Variants in TOGARAM1 observed in about 807,000 individuals in gnomAD.
TOGARAM1 encodes TOG array regulator of axonemal microtubules 1.
Under a neutral mutation model 166.6 loss-of-function variants are expected in TOGARAM1, and 100 were observed. The observed-to-expected ratio is 0.60, with a 90% CI of 0.51 to 0.71. The LOEUF is 0.71. TOGARAM1 is among the 30% of genes least tolerant of loss of function. The pLI is 0.00. For missense variants in TOGARAM1, 2,029 were observed against 2,102.7 expected, an observed-to-expected ratio of 0.96 and a Z score of 0.69; for synonymous variants, 758 against 763.8, an observed-to-expected ratio of 0.99 and a Z score of 0.13.
intron 7 of TOGARAM1, among the ~76,000 whole-genome samples, chr14:45,022,148 G>C (rs951258613): frequency 1.3e-5 from 2 of 151,884 alleles, no homozygotes; most frequent in African/African-American, 4.8e-5. Context: ...ATAGTCCCTG[G>C]GTTACTGTTG....
chr14:44,986,983 C>T (rs1413488945), intron 1 of TOGARAM1, among the ~76,000 whole-genome samples: 12 of 137,238 alleles, frequency 8.7e-5, no homozygotes, highest in African/African-American at 2.8e-4. Flanking sequence ...CCAGCCTGGG[C>T]GACAGAGCGA....
chr14:45,036,487 C>T (rs914860883), intron 11 of TOGARAM1, among the ~76,000 whole-genome samples: 1 of 152,116 alleles, frequency 6.6e-6, no homozygotes, highest in African/African-American at 2.4e-5. Context: ...ACCATGCTAA[C>T]ACTAATCAAA....
intron 1 of TOGARAM1, among the ~76,000 whole-genome samples, chr14:44,981,808 A>G (rs956020988): frequency 2.7e-5 from 4 of 150,026 alleles, no homozygotes; most frequent in African/African-American, 4.9e-5. Context: ...AGATTCTTCT[A>G]TCCATCAGTG....
Position 44,990,851 on chromosome 14 carries a change from G to A in TOGARAM1, c.2047-4895G>A, listed in dbSNP as rs542816193. On this transcript the variant is annotated intron_variant, in intron 1 of 19. Coordinates refer to ENST00000361462, the MANE Select transcript of TOGARAM1 (RefSeq NM_001308120.2). ...TTTGTTTTTGAGATGGGGTCTTACT[G>A]TGTTGCCCAGGTCGGTCTTGGACTT... Among the ~76,000 whole-genome samples the A allele has an allele frequency of 2.7e-5, 4 of 150,826 alleles. No individual in the cohort carries two copies. The South Asian group carries it at 8.4e-4, about 32-fold the overall frequency.
chr14:44,971,929 T>G (rs188973890), intron 1 of TOGARAM1, among the ~76,000 whole-genome samples: 2 of 152,258 alleles, frequency 1.3e-5, no homozygotes, highest in Admixed American at 1.3e-4. Flanking sequence ...TCATAGTTCC[T>G]CATGGCTGGG....
rs772710415 is a variant in TOGARAM1, at chr14:44,963,904, A to G, written c.1483A>G (p.Ile495Val). The stretch of plus-strand genomic sequence containing the variant: ...GAGAGAGGAGGTGGTGAACATTTGC[A>G]TCTGCTCCCTGCTGACCTATCCTAG... The part of the protein sequence containing the change: ...RVREEVVNIC[I>V]CSLLTYPSED... Residue 495 changes from isoleucine to valine, a missense_variant, in exon 1 of 20, where the codon ATC becomes GTC. By Grantham distance (29) the Ile-to-Val change is conservative. Transcript: ENST00000361462. 2.5e-6 allele frequency: 4 copies of G among 1,613,876 alleles called. No individual in the cohort carries two copies. The highest frequency in any genetic ancestry group is 2.2e-5 in the East Asian group (1 of 44,894).
chr14:45,043,303 G>A (rs1185799948), intron 11 of TOGARAM1, among the ~76,000 whole-genome samples: 4 of 152,028 alleles, frequency 2.6e-5, no homozygotes, highest in East Asian at 3.9e-4. Context: ...TCAGCCTCCC[G>A]AGTAGCTGGG....
chr14:45,009,964 T>C (rs117779004), intron 6 of TOGARAM1, among the ~76,000 whole-genome samples: 3 of 152,344 alleles, frequency 2.0e-5, no homozygotes, highest in Non-Finnish European at 4.4e-5. Flanking sequence ...TGTGTAACTT[T>C]TACACTCCTA....
At chr14:45,069,172 C>T (rs1883269223) in intron 18 of TOGARAM1, among the ~76,000 whole-genome samples, 2 of 152,070 alleles carry the variant, frequency 1.3e-5, no homozygotes, top group South Asian at 4.2e-4. Flanking sequence ...AGTTCAAGAC[C>T]ATCCTGGCTA....
At chr14:45,011,127 A>G (rs1249025583) in intron 6 of TOGARAM1, among the ~76,000 whole-genome samples, 1 of 152,182 alleles carries the variant, frequency 6.6e-6, no homozygotes, top group East Asian at 1.9e-4. Context: ...TCTTAATGAA[A>G]AAAGGCCTAT....
intron 7 of TOGARAM1, among the ~76,000 whole-genome samples, chr14:45,023,699 T>A (rs907007541): frequency 1.3e-5 from 2 of 152,080 alleles, no homozygotes; most frequent in Admixed American, 6.5e-5. Flanking sequence ...TTAACATGAG[T>A]GATTCTCTGT....
chr14:44,964,398 A>G lies in TOGARAM1; in HGVS notation c.1977A>G (p.Leu659=), dbSNP rs756636213. 1.7e-5 allele frequency: 27 copies of G among 1,612,728 alleles called. No individual in the cohort carries two copies. Among genetic ancestry groups the G allele is most frequent in the Non-Finnish European group, 2.3e-5 (27 of 1,179,316 alleles). ...VLSAGKGKNK[L]PWENEQPGIM... is the part of the protein sequence containing the mutation. ...GTGCAGGAAAAGGAAAAAATAAATT[A>G]CCATGGGAAAATGAGCAACCTGGAA... Residue 659 remains leucine (L), a synonymous_variant, in exon 1 of 20, where the codon TTA becomes TTG. Coordinates refer to ENST00000361462, the MANE Select transcript of TOGARAM1 (RefSeq NM_001308120.2).
intron 1 of TOGARAM1, among the ~76,000 whole-genome samples, chr14:44,984,127 T>G (rs1045610825): frequency 1.2e-4 from 19 of 152,176 alleles, no homozygotes; most frequent in African/African-American, 4.6e-4. Flanking sequence ...CCTTAACATA[T>G]GATTATGAGA....
At position 44,965,796 on chromosome 14, in the gene TOGARAM1, C is replaced by T. The variant is rs377404771; in HGVS notation, c.2046+1329C>T. On this transcript the variant is annotated intron_variant, in intron 1 of 19. Transcript: ENST00000361462. ...CCCTAAGAATACCCCGACAACTTTT[C>T]ACCCACTGTGTTTAGCATCCACCAA... 5.3e-5 allele frequency among the ~76,000 whole-genome samples: 8 copies of T among 152,136 alleles called. No homozygotes were observed. The East Asian group carries it at 1.5e-3, about 29-fold the overall frequency.
At chr14:44,994,749 T>C (rs1887334914) in intron 1 of TOGARAM1, among the ~76,000 whole-genome samples, 1 of 152,152 alleles carries the variant, frequency 6.6e-6, no homozygotes, top group Non-Finnish European at 1.5e-5. Flanking sequence ...TTGTTACTTA[T>C]CATTTCTGGG....
At chr14:44,967,893 C>T (rs1885645579) in intron 1 of TOGARAM1, among the ~76,000 whole-genome samples, 1 of 151,848 alleles carries the variant, frequency 6.6e-6, no homozygotes, top group Non-Finnish European at 1.5e-5. Flanking sequence ...TATGTTATTT[C>T]CTTGTATTAT....
chr14:45,046,428 C>T (rs938509477), intron 13 of TOGARAM1, 117 bp from the exon 14 acceptor site: 17 of 828,098 alleles, frequency 2.1e-5, no homozygotes, highest in Non-Finnish European at 2.4e-5. Flanking sequence ...AGAGCAAGAC[C>T]CTGTCCCAAA....
chr14:45,030,644 G>C (rs190339023), intron 10 of TOGARAM1, among the ~76,000 whole-genome samples: 17 of 152,092 alleles, frequency 1.1e-4, no homozygotes, highest in Non-Finnish European at 1.8e-4. Flanking sequence ...TTCTTTAATT[G>C]GTATATCATC....
chr14:45,016,837 T>C (rs1880173165), intron 7 of TOGARAM1, among the ~76,000 whole-genome samples: 1 of 152,230 alleles, frequency 6.6e-6, no homozygotes, highest in Non-Finnish European at 1.5e-5. Context: ...TATAATGTTA[T>C]AGTTCCTAAT....
Sources: gnomAD v4.1 joint callset for allele counts (sites outside exome capture counted in the v4.1 genomes callset) on GRCh38, gnomAD v4.1.1 for gene constraint, MANE v1.5 for transcripts, NCBI Gene and HGNC (gene_info 2026-07-23, HGNC 2026-07-21) for gene names.